The following SAMD5 variants were observed in gnomAD, a reference collection of about 807,000 sequenced individuals.
SAMD5 encodes sterile alpha motif domain containing 5, also known as sterile alpha motif domain-containing protein 5.
A neutral mutation model predicts 11.3 loss-of-function variants in SAMD5; 13 were observed. That is an observed-to-expected ratio of 1.15 (90% CI 0.75 to 1.83). The LOEUF (loss-of-function observed/expected upper bound fraction) is 1.83. Ranked by LOEUF, SAMD5 falls within the 40% of genes most tolerant of loss-of-function variation. The pLI, the probability that SAMD5 is intolerant of heterozygous loss-of-function variation, is 0.00. For synonymous variants in SAMD5, 129 were observed against 111.3 expected (o/e 1.16, Z -1.00); for missense variants, 255 against 239.1 (o/e 1.07, Z -0.44).
At chr6:147,816,301 A>AAAAAAAAATAT in the SAMD5 span, among the ~76,000 whole-genome samples, 27 of 66,348 alleles carry the variant, frequency 4.1e-4, no homozygotes, top group African/African-American at 2.1e-3. Context: ...AAAAAAAAAA[A>AAAAAAAAATAT]ATATATATAT....
chr6:147,638,826 A>T (rs1430103039), intron 1 of SAMD5, among the ~76,000 whole-genome samples: 2 of 152,210 alleles, frequency 1.3e-5, no homozygotes, highest in Non-Finnish European at 2.9e-5. Flanking sequence ...AGTGCTAGTA[A>T]ATTGATTTTG....
chr6:147,520,957 GA>G (rs1445171317), intron 1 of SAMD5, among the ~76,000 whole-genome samples: 8 of 151,980 alleles, frequency 5.3e-5, no homozygotes, highest in Non-Finnish European at 8.8e-5. Context: ...ATAGATCCCA[GA>G]ACTTGTTCAT....
intron 1 of SAMD5, among the ~76,000 whole-genome samples, chr6:147,653,565 A>C (rs1583125561): frequency 6.6e-6 from 1 of 152,238 alleles, no homozygotes; most frequent in Non-Finnish European, 1.5e-5. Flanking sequence ...GTAATTAGGC[A>C]GAAAGATCTG....
At chr6:147,618,749 C>T (rs1455823989) in intron 1 of SAMD5, among the ~76,000 whole-genome samples, 3 of 152,170 alleles carry the variant, frequency 2.0e-5, no homozygotes, top group African/African-American at 2.4e-5. Flanking sequence ...ATGAGCTCAG[C>T]GAGGATATTT....
intron 1 of SAMD5, among the ~76,000 whole-genome samples, chr6:147,653,648 GA>G: frequency 6.6e-6 from 1 of 152,084 alleles, no homozygotes; most frequent in Admixed American, 6.5e-5. Flanking sequence ...TATTTATCTG[GA>G]AAAAAAGACA....
chr6:147,890,001 A>G, the SAMD5 span, among the ~76,000 whole-genome samples: 26,225 of 152,008 alleles, frequency 0.17, 4,116 homozygotes, highest in African/African-American at 0.41. Flanking sequence ...CTAGGAACCC[A>G]CTCTCTGCAC....
rs562225677 is a variant in SAMD5 at position 147,605,041 on chromosome 6, G to T, written c.162+95654G>T. Among the ~76,000 whole-genome samples the T allele has an allele frequency of 6.0e-4, 92 of 152,288 alleles. 2 individuals are homozygous for T. The highest frequency in any genetic ancestry group is 2.0e-3 in the African/African-American group (85 of 41,560). On this transcript the variant is annotated intron_variant, in intron 1 of 1. Transcript: ENST00000566741. ...GGTCTGGTTACATTTCCACATCTAAGATTTCTCTGACACTGTCTTCTGTCA... is the reference window on the plus strand; with the variant it reads ...GGTCTGGTTACATTTCCACATCTAATATTTCTCTGACACTGTCTTCTGTCA...
chr6:147,551,812 T>TTTTA (rs368122795), intron 1 of SAMD5, among the ~76,000 whole-genome samples: 2 of 99,456 alleles, frequency 2.0e-5, no homozygotes, highest in East Asian at 3.0e-4. Flanking sequence ...TATATATATG[T>TTTTA]TATATATATA....
chr6:147,533,447 A>C (rs2128441333), intron 1 of SAMD5, among the ~76,000 whole-genome samples: 1 of 141,828 alleles, frequency 7.1e-6, no homozygotes, highest in South Asian at 2.4e-4. Context: ...GGGCAACAAG[A>C]GCGAAATTCC....
At chr6:147,922,848 A>G in the SAMD5 span, among the ~76,000 whole-genome samples, 1 of 152,160 alleles carries the variant, frequency 6.6e-6, no homozygotes, top group Admixed American at 6.6e-5. Flanking sequence ...GTGTGTAATA[A>G]TGGAGATGAG....
chr6:147,694,826 A>G (rs7741554), intron 1 of SAMD5, among the ~76,000 whole-genome samples: 124,407 of 152,152 alleles, frequency 0.82, 50,912 homozygotes, highest in South Asian at 0.85. Flanking sequence ...AAAAAATCAC[A>G]TAGGATCAGA....
chr6:147,531,913 A>G (rs77304534), intron 1 of SAMD5, among the ~76,000 whole-genome samples: 2,311 of 152,298 alleles, frequency 0.015, 36 homozygotes, highest in South Asian at 0.032. Flanking sequence ...GGAGAATTAT[A>G]CTCAATATAA....
At position 147,509,217 on chromosome 6, in the gene SAMD5, G is replaced by C. The variant is rs1337076672; in HGVS notation, c.289G>C (p.Glu97Gln). The change falls in exon 1 of 2, where the codon GAG becomes CAG. Residue 97 changes from glutamate (E) to glutamine (Q), a missense_variant. Physicochemically the swap from Glu to Gln is conservative, Grantham distance 29 (BLOSUM62 2). Coordinates refer to ENST00000367474, the MANE Select transcript of SAMD5 (RefSeq NM_001030060.3). ...ADAVPTGRRGEPCGGPAQGTR... is the reference protein window; with the variant it reads ...ADAVPTGRRGQPCGGPAQGTR... ...CGCCGTCCCCACCGGCCGCCGGGGG[G>C]AGCCGTGCGGCGGCCCGGCCCAGGG... 3 of 1,346,068 alleles carry C rather than the reference G, an allele frequency of 2.2e-6. No homozygotes were observed. The highest frequency in any genetic ancestry group is 2.9e-6 in the Non-Finnish European group (3 of 1,046,240). 83.4% of individuals were successfully genotyped at this position (1,346,068 alleles called of 1,614,324 possible).
chr6:147,860,910 A>G, the SAMD5 span, among the ~76,000 whole-genome samples: 5 of 152,342 alleles, frequency 3.3e-5, no homozygotes, highest in South Asian at 1.0e-3. Context: ...CCATCTCCAT[A>G]TACAACAATA....
chr6:147,861,613 T>A, the SAMD5 span, among the ~76,000 whole-genome samples: 3 of 152,208 alleles, frequency 2.0e-5, no homozygotes, highest in Non-Finnish European at 4.4e-5. Context: ...TTGAACCTGA[T>A]GCTCAGGGCC....
the SAMD5 span, among the ~76,000 whole-genome samples, chr6:147,899,058 G>A: frequency 4.2e-4 from 64 of 150,638 alleles, no homozygotes; most frequent in Non-Finnish European, 7.2e-4. Context: ...GCAGGCACCT[G>A]TAGTCCCAGC....
the SAMD5 span, among the ~76,000 whole-genome samples, chr6:147,797,399 T>C: frequency 8.0e-5 from 9 of 112,268 alleles, no homozygotes; most frequent in African/African-American, 4.5e-4. Flanking sequence ...GAACCAGCCT[T>C]GCATCCCAGG....
the SAMD5 span, among the ~76,000 whole-genome samples, chr6:147,897,548 A>C: frequency 2.0e-5 from 3 of 152,192 alleles, no homozygotes; most frequent in Non-Finnish European, 4.4e-5. Context: ...AATCAAGGTC[A>C]TGACCCAGCA....
intron 1 of SAMD5, among the ~76,000 whole-genome samples, chr6:147,607,236 A>G (rs1789716837): frequency 6.6e-6 from 1 of 152,220 alleles, no homozygotes; most frequent in Admixed American, 6.5e-5. Flanking sequence ...AAAAATCAAT[A>G]TTGTTAAAAT....
Sources: gnomAD v4.1 joint callset for allele counts (sites outside exome capture counted in the v4.1 genomes callset) on GRCh38, gnomAD v4.1.1 for gene constraint, MANE v1.5 for transcripts, NCBI Gene and HGNC (gene_info 2026-07-23, HGNC 2026-07-21) for gene names.